CDH13: variants seen among roughly 807,000 people sequenced by gnomAD.
The protein encoded by CDH13 is cadherin-13.
In CDH13, 24 loss-of-function variants were observed where a neutral mutation model predicts 63.8. The ratio of observed to expected loss-of-function variants is 0.38; its 90% CI spans 0.27 to 0.53. The LOEUF (loss-of-function observed/expected upper bound fraction) is 0.53. Among genes scored for constraint, CDH13 ranks in the 20% least tolerant of loss-of-function variants. The pLI, the probability that CDH13 is intolerant of heterozygous loss-of-function variation, is 0.85. For missense variants in CDH13, 1,049 were observed against 903.1 expected (o/e 1.16, Z -2.07); for synonymous variants, 503 against 355.3 (o/e 1.42, Z -4.67).
chr16:83,509,722 A>G (rs2074511398), intron 7 of CDH13, among the ~76,000 whole-genome samples: 1 of 152,222 alleles, frequency 6.6e-6, no homozygotes, highest in African/African-American at 2.4e-5. Context: ...TTTTGGTGGT[A>G]GTAAAAAATA....
chr16:83,348,511 G>A lies in CDH13; in HGVS notation c.781+3505G>A, dbSNP rs969474924. On this transcript the variant is annotated intron_variant, in intron 6 of 13. Transcript: ENST00000567109. ...CCTCACACAGCCAAGGGAACAGAAGGGTCCCATGCTCAGAAGGGCCTGGGG... is the reference window on the plus strand; with the variant it reads ...CCTCACACAGCCAAGGGAACAGAAGAGTCCCATGCTCAGAAGGGCCTGGGG... 2.6e-5 allele frequency among the ~76,000 whole-genome samples: 4 copies of A among 152,178 alleles called. No homozygotes were observed. The East Asian group carries it at 5.8e-4, about 22-fold the overall frequency.
chr16:82,835,384 G>A (rs1330846270), intron 1 of CDH13, among the ~76,000 whole-genome samples: 1 of 152,150 alleles, frequency 6.6e-6, no homozygotes, highest in Non-Finnish European at 1.5e-5. Flanking sequence ...AGGTCACATA[G>A]CACCTGGATT....
At chr16:82,718,693 A>T (rs145437703) in intron 1 of CDH13, among the ~76,000 whole-genome samples, 6,311 of 152,216 alleles carry the variant, frequency 0.041, 155 homozygotes, top group African/African-American at 0.049. Flanking sequence ...AGCAGACAAG[A>T]GAAGAGAACT....
intron 10 of CDH13, among the ~76,000 whole-genome samples, chr16:83,737,698 G>T (rs1293838471): frequency 6.6e-6 from 1 of 152,172 alleles, no homozygotes; most frequent in Non-Finnish European, 1.5e-5. Flanking sequence ...GTTAAAAATG[G>T]AAAGGTCCCA....
At chr16:83,103,757 A>AG (rs912404232) in intron 3 of CDH13, among the ~76,000 whole-genome samples, 1 of 152,176 alleles carries the variant, frequency 6.6e-6, no homozygotes, top group African/African-American at 2.4e-5. Context: ...TGTGTATCAA[A>AG]GGGGGAAAAT....
At chr16:83,785,416 C>T (rs1391717238) in intron 13 of CDH13, among the ~76,000 whole-genome samples, 1 of 152,212 alleles carries the variant, frequency 6.6e-6, no homozygotes, top group South Asian at 2.1e-4. Flanking sequence ...TCCTGACCCA[C>T]TAATTTCCCA....
At chr16:83,040,500 G>A (rs1917239284) in intron 3 of CDH13, among the ~76,000 whole-genome samples, 1 of 152,122 alleles carries the variant, frequency 6.6e-6, no homozygotes, top group African/African-American at 2.4e-5. Flanking sequence ...TCCAAAAGCT[G>A]AAGAACTTGG....
At chr16:83,577,708 T>G (rs1269963263) in intron 7 of CDH13, among the ~76,000 whole-genome samples, 3 of 152,194 alleles carry the variant, frequency 2.0e-5, no homozygotes, top group Non-Finnish European at 4.4e-5. Flanking sequence ...TGGATGCACC[T>G]TGTGATACAT....
chr16:83,565,661 C>G (rs979007698), intron 7 of CDH13, among the ~76,000 whole-genome samples: 1 of 151,992 alleles, frequency 6.6e-6, no homozygotes, highest in Non-Finnish European at 1.5e-5. Context: ...TGCATGGGGA[C>G]CTCTGGGCAT....
intron 2 of CDH13, among the ~76,000 whole-genome samples, chr16:82,895,167 C>T (rs930451790): frequency 1.3e-4 from 20 of 152,146 alleles, no homozygotes; most frequent in African/African-American, 4.6e-4. Context: ...TTCATCACCC[C>T]AAAAGGAGAG....
chr16:83,014,145 C>A (rs1330735367), intron 2 of CDH13, among the ~76,000 whole-genome samples: 4 of 151,656 alleles, frequency 2.6e-5, no homozygotes, highest in Admixed American at 6.6e-5. Flanking sequence ...TTCACACACA[C>A]AAAAAAAGGA....
At chr16:83,292,434 C>G (rs1177665913) in intron 5 of CDH13, among the ~76,000 whole-genome samples, 1 of 152,122 alleles carries the variant, frequency 6.6e-6, no homozygotes, top group Admixed American at 6.5e-5. Context: ...TGCTAGCTGC[C>G]AAGAACTCTC....
chr16:83,223,540 G>C (rs747540672), intron 5 of CDH13, among the ~76,000 whole-genome samples: 3 of 152,178 alleles, frequency 2.0e-5, no homozygotes, highest in African/African-American at 7.2e-5. Context: ...ACTTTGCTCT[G>C]ATGCTCACAA....
intron 7 of CDH13, among the ~76,000 whole-genome samples, chr16:83,541,643 C>A (rs1181658545): frequency 6.6e-6 from 1 of 152,230 alleles, no homozygotes; most frequent in African/African-American, 2.4e-5. Context: ...TAGAGGAAGG[C>A]ACAGCCCAAG....
In CDH13 at chr16:82,667,074, C is replaced by T. The variant is rs150407178; in HGVS notation, c.45+39937C>T. On this transcript the variant is annotated intron_variant, in intron 1 of 13. Transcript: ENST00000567109. ...CTGACAAAGGAATCAGCTGTTCCTT[C>T]TAGAGGGGGAATACTTTGACTTGTG... 5.5e-3 allele frequency among the ~76,000 whole-genome samples: 830 copies of T among 152,286 alleles called. 12 individuals carry two copies. Among genetic ancestry groups the T allele is most frequent in the African/African-American group, 0.019 (785 of 41,566 alleles).
At position 83,360,887 on chromosome 16, in the gene CDH13, G is replaced by T. The variant is rs12051097; in HGVS notation, c.781+15881G>T. ...GTACCTAGGTTGATTCCATGTCTTT[G>T]CTATTTGAATAGTGCTGCAACAAAC... On this transcript the variant is annotated intron_variant, in intron 6 of 13. Coordinates refer to ENST00000567109, the MANE Select transcript of CDH13 (RefSeq NM_001257.5). Among the ~76,000 whole-genome samples, 15 of 152,232 alleles carry T rather than the reference G, an allele frequency of 9.9e-5. No homozygotes were observed. The East Asian group carries it at 2.7e-3, about 27-fold the overall frequency.
At chr16:82,929,142 A>G (rs2042396720) in intron 2 of CDH13, among the ~76,000 whole-genome samples, 1 of 152,124 alleles carries the variant, frequency 6.6e-6, no homozygotes, top group South Asian at 2.1e-4. Context: ...ATTTGTTTTT[A>G]ATTGTTCACT....
chr16:83,342,750 C>A (rs1481454341), intron 5 of CDH13, among the ~76,000 whole-genome samples: 2 of 150,796 alleles, frequency 1.3e-5, no homozygotes, highest in Non-Finnish European at 2.9e-5. Flanking sequence ...CTACTTGTAG[C>A]TTATGATACT....
At chr16:83,315,752 G>C (rs529727294) in intron 5 of CDH13, among the ~76,000 whole-genome samples, 1 of 152,084 alleles carries the variant, frequency 6.6e-6, no homozygotes, top group East Asian at 1.9e-4. Context: ...AGGCCCTTAG[G>C]TGACCATCAA....
Sources: gnomAD v4.1 joint callset for allele counts (sites outside exome capture counted in the v4.1 genomes callset) on GRCh38, gnomAD v4.1.1 for gene constraint, MANE v1.5 for transcripts, NCBI Gene and HGNC (gene_info 2026-07-23, HGNC 2026-07-21) for gene names.